Variants in MED27 observed in about 807,000 individuals in gnomAD.
The protein encoded by MED27 is mediator complex subunit 27, also known as mediator of RNA polymerase II transcription subunit 27.
Under a neutral mutation model 38.2 loss-of-function variants are expected in MED27, and 30 were observed. The observed-to-expected ratio is 0.79, with a 90% CI of 0.59 to 1.07. MED27 has a LOEUF of 1.07. Among genes scored for constraint, MED27 ranks in the 50% least tolerant of loss-of-function variants. The pLI is 0.00. For synonymous variants in MED27, 122 were observed against 153.5 expected (o/e 0.79, Z 1.52); for missense variants, 289 against 397.5 (o/e 0.73, Z 2.32).
At chr9:131,973,127 T>A (rs1175083892) in intron 3 of MED27, among the ~76,000 whole-genome samples, 1 of 152,236 alleles carries the variant, frequency 6.6e-6, no homozygotes, top group Non-Finnish European at 1.5e-5. Flanking sequence ...ATTATAAACT[T>A]TCTAGTACAC....
At chr9:132,061,652 G>A (rs974763179) in intron 2 of MED27, among the ~76,000 whole-genome samples, 1 of 152,168 alleles carries the variant, frequency 6.6e-6, no homozygotes, top group Admixed American at 6.5e-5. Flanking sequence ...GCTGAACAAC[G>A]TCACCAGTTA....
intron 4 of MED27, among the ~76,000 whole-genome samples, chr9:131,934,604 G>GT (rs1830648313): frequency 1.3e-5 from 2 of 152,222 alleles, no homozygotes; most frequent in African/African-American, 4.8e-5. Context: ...CTTGTACACT[G>GT]TTGGTGGAAA....
chr9:131,950,542 G>C (rs1424667827), intron 3 of MED27, among the ~76,000 whole-genome samples: 1 of 152,168 alleles, frequency 6.6e-6, no homozygotes, highest in Non-Finnish European at 1.5e-5. Flanking sequence ...TAACGTCCCT[G>C]AGAATCTACA....
chr9:131,981,673 A>G (rs1294056394), intron 3 of MED27, among the ~76,000 whole-genome samples: 1 of 152,224 alleles, frequency 6.6e-6, no homozygotes, highest in East Asian at 1.9e-4. Flanking sequence ...TACCACGTCA[A>G]CACAATTGCA....
intron 4 of MED27, among the ~76,000 whole-genome samples, chr9:131,937,655 C>A (rs2130964596): frequency 6.6e-6 from 1 of 152,282 alleles, no homozygotes; most frequent in South Asian, 2.1e-4. Context: ...GAAATGGGAG[C>A]TCAATGACCC....
At chr9:132,069,589 C>A (rs9411341) in intron 2 of MED27, among the ~76,000 whole-genome samples, 4 of 152,198 alleles carry the variant, frequency 2.6e-5, no homozygotes, top group Non-Finnish European at 5.9e-5. Context: ...CTGAGATGCT[C>A]TGGAGCATAC....
At chr9:131,898,259 G>A (rs1829867607) in intron 4 of MED27, among the ~76,000 whole-genome samples, 2 of 152,030 alleles carry the variant, frequency 1.3e-5, no homozygotes, top group Non-Finnish European at 2.9e-5. Flanking sequence ...TTTTGAGATG[G>A]AGTCCTGCTC....
intron 2 of MED27, among the ~76,000 whole-genome samples, chr9:132,028,446 A>G (rs1179343438): frequency 2.0e-5 from 3 of 152,064 alleles, no homozygotes; most frequent in African/African-American, 7.2e-5. Flanking sequence ...CTTAGTCATG[A>G]CTGTAGCTGC....
chr9:131,868,849 C>T, intron 6 of MED27: 1 of 985,468 alleles, frequency 1.0e-6, no homozygotes, highest in Non-Finnish European at 1.2e-6. Flanking sequence ...CTGGGAGATT[C>T]ACAAATGTGC....
chr9:132,025,890 G>A (rs150987334), intron 2 of MED27, among the ~76,000 whole-genome samples: 5 of 152,278 alleles, frequency 3.3e-5, no homozygotes, highest in African/African-American at 1.2e-4. Context: ...AGTCTTAGGA[G>A]TGACTGTGTC....
Position 132,050,531 on chromosome 9 carries a change from T to A in MED27, c.348+26911A>T, listed in dbSNP as rs999592539. Among the ~76,000 whole-genome samples, 4 of 152,214 alleles carry A rather than the reference T, an allele frequency of 2.6e-5. No individual in the cohort carries two copies. In the East Asian group the frequency reaches 7.7e-4, roughly 29 times the overall value. On this transcript the variant is annotated intron_variant, in intron 2 of 7. Transcript: ENST00000292035. ...AAGACAGGGTCCAGGCCTGATTATG[T>A]TCACAGGGAAAAGAAGAGTAGGAAA...
intron 2 of MED27, among the ~76,000 whole-genome samples, chr9:132,023,573 T>C (rs1439897866): frequency 1.3e-5 from 2 of 152,160 alleles, no homozygotes; most frequent in Admixed American, 6.5e-5. Flanking sequence ...TGCAGCCCCA[T>C]TAGCCTCCTT....
rs1316990574 is a variant in MED27 at position 131,860,524 on chromosome 9, G to A, written c.*14C>T. The A allele has an allele frequency of 8.0e-6, 12 of 1,505,446 alleles. No homozygotes were observed. The highest frequency in any genetic ancestry group is 1.4e-5 in the African/African-American group (1 of 71,554). 93.3% of individuals were successfully genotyped at this position (1,505,446 alleles called of 1,614,324 possible). On this transcript the variant is annotated 3_prime_UTR_variant, in exon 8 of 8. Transcript: ENST00000292035. The surrounding 1 kb of genome is among the most constrained non-coding windows in gnomAD (Gnocchi z 5.8). ...GGTGCTGGGTGGGGTCTGAGGCTGG[G>A]GCCAGCGTGGGGGCTACTGCCGGCA...
intron 3 of MED27, among the ~76,000 whole-genome samples, chr9:131,953,183 A>C (rs1831032568): frequency 6.6e-6 from 1 of 152,224 alleles, no homozygotes; most frequent in Non-Finnish European, 1.5e-5. Context: ...AAGACATCCA[A>C]ACAGGATAAT....
chr9:131,970,557 A>T (rs2131012963), intron 3 of MED27, among the ~76,000 whole-genome samples: 1 of 152,362 alleles, frequency 6.6e-6, no homozygotes, highest in Non-Finnish European at 1.5e-5. Context: ...GAAAACTGTA[A>T]CCAATTATTT....
Position 131,945,129 on chromosome 9 carries a change from A to G in MED27, c.480-5655T>C, listed in dbSNP as rs1002701773. ...TATTTATATATAAATATATAAAAAT[A>G]TCTTTATATATAAAAAATTTATATA... On this transcript the variant is annotated intron_variant, in intron 3 of 7. Coordinates refer to ENST00000292035, the MANE Select transcript of MED27 (RefSeq NM_004269.4). Among the ~76,000 whole-genome samples, 10 of 147,070 alleles carry G rather than the reference A, an allele frequency of 6.8e-5. No homozygotes were observed. The South Asian group carries it at 2.1e-3, about 31-fold the overall frequency.
chr9:131,907,366 C>T (rs1830086198), intron 4 of MED27, among the ~76,000 whole-genome samples: 1 of 152,300 alleles, frequency 6.6e-6, no homozygotes, highest in African/African-American at 2.4e-5. Context: ...TGCAGGCACG[C>T]GCCGCCACGC....
chr9:131,932,373 C>A, intron 4 of MED27, among the ~76,000 whole-genome samples: 2 of 62,416 alleles, frequency 3.2e-5, no homozygotes, highest in Non-Finnish European at 6.3e-5. Flanking sequence ...TTTAGCCAGA[C>A]TAATTAGGGA....
At chr9:131,928,026 C>A (rs531310732) in intron 4 of MED27, among the ~76,000 whole-genome samples, 167 of 152,236 alleles carry the variant, frequency 1.1e-3, no homozygotes, top group Admixed American at 5.4e-3. Context: ...TATGCACAAA[C>A]AACCCCCAAG....
Sources: allele counts gnomAD v4.1 joint callset (sites outside exome capture counted in the v4.1 genomes callset), GRCh38; gene constraint gnomAD v4.1.1; non-coding constraint Gnocchi (gnomAD v3.1); transcripts MANE v1.5; gene names NCBI Gene and HGNC (gene_info 2026-07-23, HGNC 2026-07-21).